EFCAB5: variants seen among roughly 807,000 people sequenced by gnomAD.
EFCAB5 encodes the protein EF-hand calcium binding domain 5.
A neutral mutation model predicts 167.9 loss-of-function variants in EFCAB5; 131 were observed. The observed-to-expected ratio is 0.78, with a 90% CI of 0.68 to 0.90. The LOEUF is 0.90. Among genes scored for constraint, EFCAB5 ranks in the 40% least tolerant of loss-of-function variants. The pLI is 0.00. For missense variants in EFCAB5, 1,663 were observed against 1,745.2 expected (o/e 0.95, Z 0.84); for synonymous variants, 574 against 602.8 (o/e 0.95, Z 0.70).
intron 4 of EFCAB5, among the ~76,000 whole-genome samples, chr17:29,975,591 G>A (rs923961150): frequency 5.3e-5 from 8 of 152,064 alleles, no homozygotes; most frequent in African/African-American, 1.2e-4. Flanking sequence ...CTTTTGACTT[G>A]TTTTAGTGTC....
chr17:30,056,148 G>A lies in EFCAB5; in HGVS notation c.2357G>A (p.Arg786Lys), dbSNP rs1256832557. 4 of 1,608,086 alleles carry A rather than the reference G, an allele frequency of 2.5e-6. No homozygotes were observed. The highest frequency in any genetic ancestry group is 3.4e-5 in the Admixed American group (2 of 59,170). The change falls in exon 12 of 23, where the codon AGG (arginine) becomes AAG (lysine). Residue 786 changes from arginine (R) to lysine (K), a missense_variant. Arg to Lys is a conservative substitution (Grantham distance 26). Coordinates refer to ENST00000394835, the MANE Select transcript of EFCAB5 (RefSeq NM_198529.4). ...GCAAACTTAATCTATGGTAACTCCA[G>A]GTTCACAGGTACATGTTAACAATGA... is the stretch of plus-strand genomic sequence containing the variant. ...EQANLIYGNS[R>K]FTDLHSIIRN...
chr17:30,020,408 AG>A, intron 7 of EFCAB5, among the ~76,000 whole-genome samples: 1 of 138,138 alleles, frequency 7.2e-6, no homozygotes, highest in South Asian at 2.2e-4. Flanking sequence ...TCTGTTGCCC[AG>A]GCTTGAATGC....
chr17:29,948,115 C>T (rs1364193235), intron 3 of EFCAB5, among the ~76,000 whole-genome samples: 1 of 152,154 alleles, frequency 6.6e-6, no homozygotes, highest in Non-Finnish European at 1.5e-5. Context: ...CTTGAGCCAC[C>T]GCGCCTGGCC....
At chr17:30,044,980 A>T (rs1462734253) in intron 8 of EFCAB5, among the ~76,000 whole-genome samples, 1 of 152,262 alleles carries the variant, frequency 6.6e-6, no homozygotes, top group Non-Finnish European at 1.5e-5. Flanking sequence ...ATAAAAGACA[A>T]TGAACCACTG....
chr17:29,987,539 A>G (rs2068313516), intron 4 of EFCAB5, among the ~76,000 whole-genome samples: 1 of 152,208 alleles, frequency 6.6e-6, no homozygotes, highest in Non-Finnish European at 1.5e-5. Flanking sequence ...AGCTGCTGAT[A>G]GTATTTGGTC....
intron 4 of EFCAB5, among the ~76,000 whole-genome samples, chr17:29,976,289 T>C (rs555907086): frequency 6.6e-6 from 1 of 152,340 alleles, no homozygotes; most frequent in African/African-American, 2.4e-5. Flanking sequence ...TGATATTTCT[T>C]GAACTGGGAG....
In EFCAB5 at chr17:30,087,230, G is replaced by A. The variant is rs2071107308; in HGVS notation, c.3683+64G>A. ...ATCCTTCTGGTACAATAGTAGACCT[G>A]AAAGACACAGCTTCTGACTCTTGCT... On this transcript the variant is annotated intron_variant, in intron 19 of 22. Coordinates refer to ENST00000394835, the MANE Select transcript of EFCAB5 (RefSeq NM_198529.4). The A allele has an allele frequency of 2.2e-5, 29 of 1,328,818 alleles. No homozygotes were observed. The South Asian group carries it at 3.4e-4, about 16-fold the overall frequency. The allele number at this position is 1,328,818 out of a possible 1,614,324, so 82.3% of individuals were successfully genotyped here. A position where few individuals can be genotyped will look rare whatever the true frequency, so the allele number is the denominator to read the frequency against.
chr17:30,053,154 A>T, intron 9 of EFCAB5, 101 bp from the exon 10 acceptor site: 1 of 1,359,478 alleles, frequency 7.4e-7, no homozygotes, highest in Non-Finnish European at 1.0e-6. Context: ...GGCCTATATT[A>T]CAATTTCTGT....
chr17:29,967,714 T>A (rs2151574926), intron 3 of EFCAB5, among the ~76,000 whole-genome samples: 1 of 152,262 alleles, frequency 6.6e-6, no homozygotes, highest in Admixed American at 6.5e-5. Context: ...GCTAGAGATT[T>A]TGGTAGGGGA....
chr17:30,087,665 TACC>T (rs2071115661), intron 19 of EFCAB5, among the ~76,000 whole-genome samples: 1 of 152,238 alleles, frequency 6.6e-6, no homozygotes, highest in Non-Finnish European at 1.5e-5. Context: ...TGTGTGTGTA[TACC>T]ACATTTTCTT....
At chr17:30,030,000 T>C (rs1425035439) in intron 7 of EFCAB5, among the ~76,000 whole-genome samples, 2 of 152,242 alleles carry the variant, frequency 1.3e-5, no homozygotes, top group African/African-American at 4.8e-5. Flanking sequence ...TTCAAATGTT[T>C]AACATCTCAC....
chr17:30,011,368 G>A (rs1371802530), intron 7 of EFCAB5, among the ~76,000 whole-genome samples: 1 of 152,076 alleles, frequency 6.6e-6, no homozygotes, highest in Non-Finnish European at 1.5e-5. Flanking sequence ...TGATGGGGAT[G>A]GCACTGAATC....
chr17:29,930,418 G>C (rs1006003330), intron 1 of EFCAB5: 2 of 186,284 alleles, frequency 1.1e-5, no homozygotes, highest in Admixed American at 5.7e-5. Context: ...GCTGTGGAGT[G>C]GGGTGGGGGA....
At chr17:29,929,911 G>A in intron 1 of EFCAB5, 1 of 1,573,606 alleles carries the variant, frequency 6.4e-7, no homozygotes, top group Non-Finnish European at 8.6e-7. Context: ...ACAGAAGCAA[G>A]CGGAGCGGCC....
At chr17:30,050,242 C>T (rs1004986602) in intron 8 of EFCAB5, among the ~76,000 whole-genome samples, 1 of 151,818 alleles carries the variant, frequency 6.6e-6, no homozygotes, top group African/African-American at 2.4e-5. Flanking sequence ...TCAAGTGATT[C>T]TCCTGCCTCA....
chr17:30,015,228 A>G (rs532945926), intron 7 of EFCAB5, among the ~76,000 whole-genome samples: 1 of 152,258 alleles, frequency 6.6e-6, no homozygotes, highest in Non-Finnish European at 1.5e-5. Context: ...GGCTGCCCTT[A>G]GCATTTTTCC....
intron 14 of EFCAB5, among the ~76,000 whole-genome samples, chr17:30,076,642 G>A (rs2070874069): frequency 6.6e-6 from 1 of 152,226 alleles, no homozygotes; most frequent in Admixed American, 6.5e-5. Context: ...GTCTTCTTGA[G>A]GGAGGAGGAA....
At chr17:30,023,297 G>GA in intron 7 of EFCAB5, among the ~76,000 whole-genome samples, 1 of 152,022 alleles carries the variant, frequency 6.6e-6, no homozygotes, top group African/African-American at 2.4e-5. Flanking sequence ...GACTAATAAA[G>GA]AAAAAACGAG....
chr17:29,930,359 C>T, intron 1 of EFCAB5: 1 of 266,918 alleles, frequency 3.7e-6, no homozygotes, highest in South Asian at 4.9e-5. Context: ...CCGCACCCTC[C>T]TGGGTTTCCT....
Sources: gnomAD v4.1 joint callset for allele counts (sites outside exome capture counted in the v4.1 genomes callset) on GRCh38, gnomAD v4.1.1 for gene constraint, MANE v1.5 for transcripts, NCBI Gene and HGNC (gene_info 2026-07-23, HGNC 2026-07-21) for gene names.